PALD1: variants seen among roughly 807,000 people sequenced by gnomAD.
The protein encoded by PALD1 is phosphatase domain containing paladin 1.
A neutral mutation model predicts 96.0 loss-of-function variants in PALD1; 57 were observed. The ratio of observed to expected loss-of-function variants is 0.59; its 90% CI spans 0.48 to 0.74. The LOEUF (loss-of-function observed/expected upper bound fraction) is 0.74. Among genes scored for constraint, PALD1 ranks in the 30% least tolerant of loss-of-function variants. The pLI is 0.00. For missense variants in PALD1, 1,063 were observed against 1,143.7 expected, an observed-to-expected ratio of 0.93 and a Z score of 1.02; for synonymous variants, 464 against 473.6, an observed-to-expected ratio of 0.98 and a Z score of 0.26.
intron 18 of PALD1, among the ~76,000 whole-genome samples, chr10:70,556,302 C>CTCTCTCTCTCTCTG (rs1213631246): frequency 2.9e-5 from 4 of 137,322 alleles, no homozygotes; most frequent in African/African-American, 1.3e-4. Context: ...CTCTCTCTCT[C>CTCTCTCTCTCTCTG]TCTCTGTCTC....
intron 1 of PALD1, among the ~76,000 whole-genome samples, chr10:70,517,342 ATTT>A (rs35816076): frequency 2.3e-4 from 31 of 137,608 alleles, no homozygotes; most frequent in African/African-American, 8.3e-4. Flanking sequence ...TTAAGTGTTC[ATTT>A]TTTTTTTTTT....
Position 70,539,471 on chromosome 10 carries a change from G to A in PALD1, c.1726-109G>A, listed in dbSNP as rs1847192390. 5 of 1,136,206 alleles carry A rather than the reference G, an allele frequency of 4.4e-6. No homozygotes were observed. Among genetic ancestry groups the A allele is most frequent in the Non-Finnish European group, 3.7e-6 (3 of 819,972 alleles). The allele number at this position is 1,136,206 out of a possible 1,614,324, so 70.4% of individuals were successfully genotyped here. A position where few individuals can be genotyped will look rare whatever the true frequency, so the allele number is the denominator to read the frequency against. Reference sequence around the variant, plus strand: ...ACCCCTGAGGCTTGGGGGGGTCAGGGATGGGACTGGAAGCCAGGGCCAGGC... The same window carrying A: ...ACCCCTGAGGCTTGGGGGGGTCAGGAATGGGACTGGAAGCCAGGGCCAGGC... On this transcript the variant is annotated intron_variant, in intron 14 of 19. Coordinates refer to ENST00000263563, the MANE Select transcript of PALD1 (RefSeq NM_014431.3). This position sits in a 1 kb window ranked among gnomAD's most constrained non-coding sequence, Gnocchi z 4.5.
the PALD1 span, among the ~76,000 whole-genome samples, chr10:70,469,342 A>G: frequency 1.3e-5 from 2 of 152,106 alleles, no homozygotes; most frequent in African/African-American, 2.4e-5. Flanking sequence ...TAACCCCTCC[A>G]CCAGTGATTC....
chr10:70,488,799 A>G lies in PALD1; in HGVS notation c.-30+9740A>G, dbSNP rs118145440. ...AGAGCAGGTTCTGGAGAAGAGTAGC[A>G]TTGGATCAAAGGGGATCAGTCTGTC... On this transcript the variant is annotated intron_variant, in intron 1 of 19. Transcript: ENST00000263563. 4.9e-3 allele frequency among the ~76,000 whole-genome samples: 752 copies of G among 152,070 alleles called. 4 individuals carry two copies. Among genetic ancestry groups the G allele is most frequent in the Middle Eastern group, 0.01 (3 of 294 alleles).
intron 2 of PALD1, among the ~76,000 whole-genome samples, chr10:70,526,350 A>G (rs1315438144): frequency 6.6e-6 from 1 of 152,178 alleles, no homozygotes; most frequent in East Asian, 1.9e-4. Flanking sequence ...CTCTGAGCCC[A>G]TGCTACTCAC....
chr10:70,527,644 T>G (rs1589196398), intron 2 of PALD1, among the ~76,000 whole-genome samples: 1 of 152,318 alleles, frequency 6.6e-6, no homozygotes, highest in East Asian at 1.9e-4. Context: ...TTAGTTCAGA[T>G]GTGAAAACTG....
At chr10:70,465,797 T>G in the PALD1 span, among the ~76,000 whole-genome samples, 2 of 152,144 alleles carry the variant, frequency 1.3e-5, no homozygotes, top group African/African-American at 4.8e-5. Context: ...TGGTCCCTCC[T>G]CAGGATGGAG....
chr10:70,555,134 C>A (rs1564710627), intron 18 of PALD1, among the ~76,000 whole-genome samples: 1 of 147,334 alleles, frequency 6.8e-6, no homozygotes, highest in Non-Finnish European at 1.5e-5. Context: ...ACCACCACTC[C>A]CGGCTAATTT....
chr10:70,496,461 G>A (rs1033184395), intron 1 of PALD1, among the ~76,000 whole-genome samples: 1 of 152,068 alleles, frequency 6.6e-6, no homozygotes, highest in Non-Finnish European at 1.5e-5. Context: ...TCTCCTGACC[G>A]CCTTCCCAAG....
chr10:70,481,458 CAG>C (rs1428860874), intron 1 of PALD1, among the ~76,000 whole-genome samples: 1 of 152,218 alleles, frequency 6.6e-6, no homozygotes, highest in African/African-American at 2.4e-5. Flanking sequence ...GTGTTTTACT[CAG>C]AGTCATTTGG....
chr10:70,552,087 G>A (rs1233406068), intron 18 of PALD1, among the ~76,000 whole-genome samples: 1 of 152,254 alleles, frequency 6.6e-6, no homozygotes, highest in South Asian at 2.1e-4. Context: ...AGCATGTGCT[G>A]CCTCAGTGCT....
At position 70,567,268 on chromosome 10, in the gene PALD1, TC is replaced by T. The variant is rs1423347143; in HGVS notation, c.*536del. The stretch of plus-strand genomic sequence containing the variant: ...TGGAGGGGACAGTGTTCTGGATAGA[TC>T]TATTATGTGAAAGGCAGCTTCACCC... On this transcript the variant is annotated 3_prime_UTR_variant, in exon 20 of 20. Transcript: ENST00000263563. 6.5e-6 allele frequency: 1 copy of T among 153,142 alleles called. No homozygotes were observed. The highest frequency in any genetic ancestry group is 1.5e-5 in the Non-Finnish European group (1 of 68,492). 9.5% of individuals were successfully genotyped at this position (153,142 alleles called of 1,614,324 possible). A position where few individuals can be genotyped will look rare whatever the true frequency, so the allele number is the denominator to read the frequency against.
At position 70,497,511 on chromosome 10, in the gene PALD1, T is replaced by C. The variant is rs567341285; in HGVS notation, c.-30+18452T>C. ...GCTCTTTCCATATCTGCTCCATCTC[T>C]CCATCCTGAGCTCTGCAGGGCTGGA... On this transcript the variant is annotated intron_variant, in intron 1 of 19. Transcript: ENST00000263563. Among the ~76,000 whole-genome samples, 3 of 151,830 alleles carry C rather than the reference T, an allele frequency of 2.0e-5. No homozygotes were observed. The South Asian group carries it at 6.3e-4, about 32-fold the overall frequency.
intron 19 of PALD1, 53 bp from the exon 20 acceptor site, chr10:70,566,528 A>C: frequency 7.0e-7 from 1 of 1,438,210 alleles, no homozygotes; most frequent in East Asian, 2.4e-5. Flanking sequence ...CAGTGGCCTT[A>C]GTGGCACCCT....
At chr10:70,467,986 T>C in the PALD1 span, among the ~76,000 whole-genome samples, 3 of 152,276 alleles carry the variant, frequency 2.0e-5, no homozygotes, top group East Asian at 3.9e-4. Flanking sequence ...TGACGGGGTC[T>C]GAGGACAGTA....
intron 1 of PALD1, among the ~76,000 whole-genome samples, chr10:70,493,257 T>G (rs1846128956): frequency 1.3e-5 from 2 of 152,220 alleles, no homozygotes; most frequent in Non-Finnish European, 2.9e-5. Context: ...AATGTTGGAA[T>G]TACAGGCATA....
At chr10:70,521,780 C>T (rs1165361637) in intron 1 of PALD1, among the ~76,000 whole-genome samples, 2 of 151,896 alleles carry the variant, frequency 1.3e-5, no homozygotes, top group African/African-American at 4.8e-5. Flanking sequence ...GTGATCTGCC[C>T]GCTTTGGCCT....
chr10:70,541,155 C>T lies in PALD1; in HGVS notation c.1962C>T (p.Gly654=). 1 of 1,613,646 alleles carries T rather than the reference C, an allele frequency of 6.2e-7. No individual in the cohort carries two copies. The highest frequency in any genetic ancestry group is 2.2e-5 in the East Asian group (1 of 44,822). The stretch of plus-strand genomic sequence containing the variant: ...GGGCCGCCCTCTCCAAGGACCCAGG[C>T]ACTGGCTTCGTGTTCAGCTGCCTCA... The part of the protein sequence containing the change: ...ALRAALSKDP[G]TGFVFSCLSG... The change falls in exon 16 of 20, where the codon GGC becomes GGT. Residue 654 remains glycine (G), a synonymous_variant. Transcript: ENST00000263563.
chr10:70,523,766 G>C (rs542263198), intron 1 of PALD1, among the ~76,000 whole-genome samples: 2 of 152,252 alleles, frequency 1.3e-5, no homozygotes, highest in African/African-American at 4.8e-5. Flanking sequence ...AGTGGGGTTG[G>C]GGGTGGGAGG....
Sources: allele counts gnomAD v4.1 joint callset (sites outside exome capture counted in the v4.1 genomes callset), GRCh38; gene constraint gnomAD v4.1.1; non-coding constraint Gnocchi (gnomAD v3.1); transcripts MANE v1.5; gene names NCBI Gene and HGNC (gene_info 2026-07-23, HGNC 2026-07-21).